Variants in DCAF1 observed in about 807,000 individuals in gnomAD.
DCAF1 encodes DDB1 and CUL4 associated factor 1.
A neutral mutation model predicts 128.0 loss-of-function variants in DCAF1; 15 were observed. That is an observed-to-expected ratio of 0.12 (90% CI 0.08 to 0.18). The LOEUF is 0.18. Ranked by LOEUF, DCAF1 falls within the 10% of genes least tolerant of loss-of-function variation. The pLI is 1.00. For missense variants in DCAF1, 988 were observed against 1,649.5 expected (o/e 0.60, Z 6.95); for synonymous variants, 610 against 603.0 (o/e 1.01, Z -0.17).
At chr3:51,422,625 A>C (rs1046906659) in intron 13 of DCAF1, among the ~76,000 whole-genome samples, 194 bp from the exon 14 acceptor site, 1 of 152,230 alleles carries the variant, frequency 6.6e-6, no homozygotes, top group Non-Finnish European at 1.5e-5. Context: ...ACTTCCAAAA[A>C]ATATAGCAAT....
At position 51,418,813 on chromosome 3, in the gene DCAF1, T is replaced by C; in HGVS notation, c.3300A>G (p.Ala1100=). The C allele has an allele frequency of 3.1e-6, 5 of 1,613,888 alleles. No individual in the cohort carries two copies. The highest frequency in any genetic ancestry group is 4.2e-6 in the Non-Finnish European group (5 of 1,179,878). Residue 1100 remains alanine (A), a synonymous_variant, in exon 16 of 25, where the codon GCA becomes GCG. Coordinates refer to ENST00000684031, the MANE Select transcript of DCAF1 (RefSeq NM_001387579.1). The part of the protein sequence containing the change: ...NEDESGFTCC[A]FSARERFLML... ...TCAGGAACCGCTCCCGTGCTGAGAATGCACAGCAGGTGAAGCCACTCTCAT... is the reference window on the plus strand; with the variant it reads ...TCAGGAACCGCTCCCGTGCTGAGAACGCACAGCAGGTGAAGCCACTCTCAT...
intron 6 of DCAF1, among the ~76,000 whole-genome samples, chr3:51,449,882 T>C (rs1414308813): frequency 2.0e-5 from 3 of 152,092 alleles, no homozygotes; most frequent in Non-Finnish European, 4.4e-5. Context: ...CAACAACAAA[T>C]TGGATAACCA....
chr3:51,402,566 ATTTTTTTTTTT>A (rs540396047), intron 24 of DCAF1, among the ~76,000 whole-genome samples: 1 of 84,984 alleles, frequency 1.2e-5, no homozygotes, highest in Non-Finnish European at 2.0e-5. Flanking sequence ...CCTACAAAGC[ATTTTTTTTTTT>A]TTTTTTTTTT....
At chr3:51,422,478 G>C in intron 13 of DCAF1, 47 bp from the exon 14 acceptor site, 2 of 715,550 alleles carry the variant, frequency 2.8e-6, no homozygotes, top group East Asian at 2.7e-5. Flanking sequence ...ATAGCCACAA[G>C]AATCAAGAGA....
At chr3:51,441,308 AAAT>A in intron 8 of DCAF1, 74 bp downstream of exon 8, 1 of 1,474,534 alleles carries the variant, frequency 6.8e-7, no homozygotes. Context: ...TCTTTGTATA[AAAT>A]ACTACCATAA....
chr3:51,484,871 C>G (rs1267886982), intron 2 of DCAF1, among the ~76,000 whole-genome samples: 1 of 148,652 alleles, frequency 6.7e-6, no homozygotes, highest in Non-Finnish European at 1.5e-5. Flanking sequence ...TTAGTAGAGA[C>G]GCAGTTTCAC....
chr3:51,413,096 T>C (rs371808687), intron 21 of DCAF1, 30 bp from the exon 22 acceptor site: 23 of 1,613,160 alleles, frequency 1.4e-5, no homozygotes, highest in East Asian at 2.2e-5. Flanking sequence ...AAGATTGGGA[T>C]TGGACTATTG....
chr3:51,457,382 G>A (rs761002948), intron 6 of DCAF1, among the ~76,000 whole-genome samples: 2 of 152,038 alleles, frequency 1.3e-5, no homozygotes, highest in South Asian at 2.1e-4. Flanking sequence ...AAAAAGAAAC[G>A]AACAAAGCCT....
At chr3:51,439,120 G>T (rs1456991916) in intron 9 of DCAF1, among the ~76,000 whole-genome samples, 1 of 151,830 alleles carries the variant, frequency 6.6e-6, no homozygotes, top group Non-Finnish European at 1.5e-5. Context: ...AACCTTTACT[G>T]AGTTGAAGGG....
intron 4 of DCAF1, among the ~76,000 whole-genome samples, chr3:51,467,104 C>T (rs536212440): frequency 3.8e-4 from 58 of 152,234 alleles, no homozygotes; most frequent in African/African-American, 1.2e-3. Context: ...GAGGCTGAGG[C>T]GGGCAGATCA....
intron 6 of DCAF1, among the ~76,000 whole-genome samples, chr3:51,454,882 C>G (rs1195174310): frequency 6.6e-6 from 1 of 150,974 alleles, no homozygotes; most frequent in Non-Finnish European, 1.5e-5. Context: ...ACTGTGTTAG[C>G]CAGGATGGTC....
chr3:51,474,771 TCAG>T (rs1194667490), intron 3 of DCAF1, among the ~76,000 whole-genome samples: 5 of 149,512 alleles, frequency 3.3e-5, no homozygotes, highest in African/African-American at 1.2e-4. Flanking sequence ...CAGGTGTCAA[TCAG>T]CATGCCTGGC....
chr3:51,403,654 C>T (rs1303257937), intron 23 of DCAF1, among the ~76,000 whole-genome samples: 3 of 152,346 alleles, frequency 2.0e-5, no homozygotes, highest in Non-Finnish European at 2.9e-5. Flanking sequence ...ACAGACAACT[C>T]GCTTCACAGA....
chr3:51,422,131 T>A (rs916721096), intron 14 of DCAF1, among the ~76,000 whole-genome samples, 176 bp downstream of exon 14: 9 of 152,036 alleles, frequency 5.9e-5, no homozygotes, highest in East Asian at 1.9e-4. Context: ...TTTTTTTTTT[T>A]AAATTAGTTC....
intron 3 of DCAF1, among the ~76,000 whole-genome samples, chr3:51,473,872 C>T (rs547366644): frequency 2.7e-4 from 41 of 151,920 alleles, no homozygotes; most frequent in Admixed American, 2.3e-3. Context: ...GGCACGATGT[C>T]GGCTCACTGC....
At chr3:51,454,757 T>C (rs1324339555) in intron 6 of DCAF1, among the ~76,000 whole-genome samples, 1 of 151,862 alleles carries the variant, frequency 6.6e-6, no homozygotes, top group Non-Finnish European at 1.5e-5. Flanking sequence ...CACTGCAAGC[T>C]CCGCCTCCCA....
At chr3:51,497,161 G>C (rs1368347713) in intron 1 of DCAF1, among the ~76,000 whole-genome samples, 1 of 152,112 alleles carries the variant, frequency 6.6e-6, no homozygotes, top group Non-Finnish European at 1.5e-5. Flanking sequence ...CAGGCGTGGG[G>C]GCACACACCT....
At chr3:51,482,802 A>T (rs1310797983) in intron 3 of DCAF1, among the ~76,000 whole-genome samples, 2 of 150,212 alleles carry the variant, frequency 1.3e-5, no homozygotes, top group Non-Finnish European at 3.0e-5. Flanking sequence ...TTCACCAAAC[A>T]GTTGGGAAAT....
chr3:51,495,816 C>T (rs1302630389), intron 2 of DCAF1, among the ~76,000 whole-genome samples: 1 of 152,116 alleles, frequency 6.6e-6, no homozygotes, highest in Non-Finnish European at 1.5e-5. Flanking sequence ...GACGGAATCT[C>T]GCTCTGCTGC....
Sources: gnomAD v4.1 joint callset for allele counts (sites outside exome capture counted in the v4.1 genomes callset) on GRCh38, gnomAD v4.1.1 for gene constraint, MANE v1.5 for transcripts, NCBI Gene and HGNC (gene_info 2026-07-23, HGNC 2026-07-21) for gene names.